Variants in TBX20 observed in about 807,000 individuals in gnomAD.
TBX20 encodes T-box transcription factor TBX20.
TBX20 carries 8 observed loss-of-function variants against 42.9 expected under a neutral mutation model. The observed-to-expected ratio is 0.19, with a 90% confidence interval of 0.11 to 0.34. TBX20 has a LOEUF of 0.34. Among genes scored for constraint, TBX20 ranks in the 10% least tolerant of loss-of-function variants. TBX20 has a pLI of 1.00. For missense variants in TBX20, 411 were observed against 566.0 expected, an observed-to-expected ratio of 0.73 and a Z score of 2.78; for synonymous variants, 198 against 222.8, an observed-to-expected ratio of 0.89 and a Z score of 0.99.
rs149915572 is a variant in TBX20 at position 35,248,616 on chromosome 7, C to T, written c.545+61G>A. 5.7e-5 allele frequency: 90 copies of T among 1,569,782 alleles called. No individual in the cohort carries two copies. The African/African-American group carries it at 9.2e-4, about 16-fold the overall frequency. On this transcript the variant is annotated intron_variant, in intron 3 of 7. Transcript: ENST00000408931. The stretch of plus-strand genomic sequence containing the variant: ...TACACTTGCTTAAAATTCACACAAG[C>T]CAGAAACATTCTGACAGATGCACTA...
At chr7:35,214,175 CTTAGA>C (rs963636635) in intron 6 of TBX20, among the ~76,000 whole-genome samples, 5 of 152,088 alleles carry the variant, frequency 3.3e-5, no homozygotes, top group African/African-American at 1.2e-4. Flanking sequence ...ATTTTATCCT[CTTAGA>C]TTATATTTTT....
chr7:35,212,397 A>T lies in TBX20; in HGVS notation c.891-7815T>A, dbSNP rs574211878. Among the ~76,000 whole-genome samples the T allele has an allele frequency of 5.3e-4, 80 of 152,218 alleles. No homozygotes were observed. The Middle Eastern group carries it at 0.024, about 45-fold the overall frequency. ...GTGAGTTCTGAATTAGTTTCAACTG[A>T]TTATCTCTTCACTATGGGTCATGTT... On this transcript the variant is annotated intron_variant, in intron 6 of 7. Transcript: ENST00000408931.
intron 6 of TBX20, among the ~76,000 whole-genome samples, chr7:35,206,437 A>C (rs1789402185): frequency 6.6e-6 from 1 of 152,192 alleles, no homozygotes; most frequent in Non-Finnish European, 1.5e-5. Flanking sequence ...AAACCCAGCT[A>C]CTCAGGAAGC....
chr7:35,223,870 C>G (rs1178406461), intron 6 of TBX20, among the ~76,000 whole-genome samples: 1 of 152,062 alleles, frequency 6.6e-6, no homozygotes, highest in Non-Finnish European at 1.5e-5. Flanking sequence ...CAAATGGGGT[C>G]AAGAAAGGGT....
rs1310195153 is a variant in TBX20, at chr7:35,253,627, CA to C, written c.-8del. ...GGGACGCCGTGAACTCCATGGTCCC[CA>C]GCACGCGGTCCTGGCCAGGGACGGG... On this transcript the variant is annotated 5_prime_UTR_variant, in exon 1 of 8. Coordinates refer to ENST00000408931, the MANE Select transcript of TBX20 (RefSeq NM_001077653.2). 2 of 1,611,188 alleles carry C rather than the reference CA, an allele frequency of 1.2e-6. No homozygotes were observed. The highest frequency in any genetic ancestry group is 1.7e-6 in the Non-Finnish European group (2 of 1,179,746).
intron 6 of TBX20, among the ~76,000 whole-genome samples, chr7:35,210,943 C>G (rs1789487512): frequency 6.6e-6 from 1 of 152,014 alleles, no homozygotes; most frequent in South Asian, 2.1e-4. Flanking sequence ...TTTGTCCCAT[C>G]TGTTCTTTTT....
At chr7:35,253,460 A>T in intron 1 of TBX20, 34 bp downstream of exon 1, 1 of 1,597,154 alleles carries the variant, frequency 6.3e-7, no homozygotes, top group African/African-American at 1.3e-5. Flanking sequence ...CAGCATCCCC[A>T]GTCCTCGGCG....
intron 4 of TBX20, among the ~76,000 whole-genome samples, chr7:35,241,837 T>G (rs992215581): frequency 6.6e-6 from 1 of 152,190 alleles, no homozygotes; most frequent in African/African-American, 2.4e-5. Context: ...TCATATATCT[T>G]TTAAATAAAA....
rs113358145 is a variant in TBX20, at chr7:35,217,642, C to A, written c.891-13060G>T. ...TTCTATAATTTGAAAAAAATTAGTT[C>A]TGTTAAACGCCATTCCTTCTTTCTT... is the stretch of plus-strand genomic sequence containing the variant. On this transcript the variant is annotated intron_variant, in intron 6 of 7. Coordinates refer to ENST00000408931, the MANE Select transcript of TBX20 (RefSeq NM_001077653.2). 9.6e-3 allele frequency among the ~76,000 whole-genome samples: 1,462 copies of A among 152,248 alleles called. 26 individuals carry two copies. The highest frequency in any genetic ancestry group is 0.033 in the African/African-American group (1,389 of 41,544).
chr7:35,241,543 G>A (rs2270222), intron 4 of TBX20, among the ~76,000 whole-genome samples: 61,382 of 151,974 alleles, frequency 0.4, 12,576 homozygotes, highest in Admixed American at 0.47. Flanking sequence ...TCCTTAGCCA[G>A]GTGATCTCAT....
intron 6 of TBX20, among the ~76,000 whole-genome samples, chr7:35,207,850 G>A (rs4090439): frequency 6.6e-6 from 1 of 152,080 alleles, no homozygotes; most frequent in African/African-American, 2.4e-5. Context: ...CTGAATAAAA[G>A]TGTTAGAACT....
intron 5 of TBX20, among the ~76,000 whole-genome samples, chr7:35,239,447 T>C (rs1459428345): frequency 2.0e-5 from 3 of 152,208 alleles, no homozygotes; most frequent in African/African-American, 4.8e-5. Flanking sequence ...AGAGAGGTCA[T>C]AAACAACTGA....
intron 5 of TBX20, among the ~76,000 whole-genome samples, chr7:35,234,877 G>A (rs1789932990): frequency 6.6e-6 from 1 of 151,992 alleles, no homozygotes; most frequent in Non-Finnish European, 1.5e-5. Flanking sequence ...GCTTTTATGG[G>A]GTATTAATAA....
intron 6 of TBX20, among the ~76,000 whole-genome samples, chr7:35,213,297 C>T (rs1789528811): frequency 6.6e-6 from 1 of 152,224 alleles, no homozygotes; most frequent in Non-Finnish European, 1.5e-5. Flanking sequence ...CCAAAGCTGA[C>T]ACCACACTCC....
Position 35,247,711 on chromosome 7 carries a change from TTCAA to T in TBX20, c.545+962_545+965del, listed in dbSNP as rs1169783389. Reference sequence around the variant, plus strand: ...TAAGTTCTTAGCTCTGATACAAACTTTCAATCAATCACAAAAAATTAGTCATTAA... The same window carrying T: ...TAAGTTCTTAGCTCTGATACAAACTTTCAATCACAAAAAATTAGTCATTAA... On this transcript the variant is annotated intron_variant, in intron 3 of 7. Coordinates refer to ENST00000408931, the MANE Select transcript of TBX20 (RefSeq NM_001077653.2). 2.0e-5 allele frequency among the ~76,000 whole-genome samples: 3 copies of T among 152,216 alleles called. No homozygotes were observed. In the East Asian group the frequency reaches 5.8e-4, roughly 29 times the overall value.
At chr7:35,234,745 T>C (rs1789930711) in intron 5 of TBX20, among the ~76,000 whole-genome samples, 1 of 152,132 alleles carries the variant, frequency 6.6e-6, no homozygotes, top group South Asian at 2.1e-4. Flanking sequence ...TCTCTATTTC[T>C]ATTTAATCTA....
intron 6 of TBX20, among the ~76,000 whole-genome samples, chr7:35,213,606 A>G (rs1789532969): frequency 6.6e-6 from 1 of 152,308 alleles, no homozygotes. Context: ...TGGTTAAAAA[A>G]TATAATTATG....
intron 1 of TBX20, among the ~76,000 whole-genome samples, chr7:35,251,052 C>T (rs529441522): frequency 6.6e-6 from 1 of 152,304 alleles, no homozygotes; most frequent in Non-Finnish European, 1.5e-5. Flanking sequence ...GAATGCTCTG[C>T]CATCCACCAC....
intron 6 of TBX20, among the ~76,000 whole-genome samples, chr7:35,207,875 G>A (rs1199384745): frequency 6.6e-6 from 1 of 151,988 alleles, no homozygotes; most frequent in Non-Finnish European, 1.5e-5. Flanking sequence ...ACATTAGGTA[G>A]TATTAGTACT....
Sources: gnomAD v4.1 joint callset for allele counts (sites outside exome capture counted in the v4.1 genomes callset) on GRCh38, gnomAD v4.1.1 for gene constraint, MANE v1.5 for transcripts, NCBI Gene and HGNC (gene_info 2026-07-23, HGNC 2026-07-21) for gene names.